FAM171B: variants seen among roughly 807,000 people sequenced by gnomAD.
FAM171B encodes the protein family with sequence similarity 171 member B.
A neutral mutation model predicts 75.6 loss-of-function variants in FAM171B; 19 were observed. That is an observed-to-expected ratio of 0.25 (90% confidence interval 0.18 to 0.37). The LOEUF (loss-of-function observed/expected upper bound fraction) is 0.37. Among genes scored for constraint, FAM171B ranks in the 10% least tolerant of loss-of-function variants. FAM171B has a pLI of 1.00. For missense variants in FAM171B, 848 were observed against 982.4 expected, an observed-to-expected ratio of 0.86 and a Z score of 1.83; for synonymous variants, 367 against 361.7, an observed-to-expected ratio of 1.01 and a Z score of -0.17.
chr2:186,739,538 A>G (rs146332368), intron 1 of FAM171B, among the ~76,000 whole-genome samples: 65 of 152,284 alleles, frequency 4.3e-4, no homozygotes, highest in African/African-American at 1.5e-3. Context: ...ACAAATATAA[A>G]CATTAGCCCA....
intron 1 of FAM171B, among the ~76,000 whole-genome samples, chr2:186,702,876 T>C (rs768645281): frequency 4.6e-5 from 7 of 152,130 alleles, no homozygotes; most frequent in Non-Finnish European, 7.4e-5. Flanking sequence ...ATTTCATTTA[T>C]ATGTGACATT....
chr2:186,716,385 C>G (rs1056267236), intron 1 of FAM171B, among the ~76,000 whole-genome samples: 2 of 152,102 alleles, frequency 1.3e-5, no homozygotes, highest in African/African-American at 2.4e-5. Flanking sequence ...CTTCCTTACC[C>G]AGAATTAATC....
chr2:186,731,971 G>A (rs1428747034), intron 1 of FAM171B, among the ~76,000 whole-genome samples: 2 of 152,118 alleles, frequency 1.3e-5, no homozygotes, highest in East Asian at 3.9e-4. Context: ...AACAAGCTCA[G>A]GGCTCCCGCT....
chr2:186,736,567 G>GTGTGTGGGA (rs55683607), intron 1 of FAM171B, among the ~76,000 whole-genome samples: 3,906 of 104,480 alleles, frequency 0.037, 83 homozygotes, highest in African/African-American at 0.075. Flanking sequence ...TGTGTGTGTG[G>GTGTGTGGGA]GAGAGAGAGA....
intron 1 of FAM171B, among the ~76,000 whole-genome samples, chr2:186,725,872 G>C (rs1450917411): frequency 6.6e-6 from 1 of 152,218 alleles, no homozygotes; most frequent in East Asian, 1.9e-4. Context: ...GATGACAAAT[G>C]CCTGTGGAGT....
At chr2:186,755,959 A>G (rs1429997075) in intron 6 of FAM171B, among the ~76,000 whole-genome samples, 3 of 152,244 alleles carry the variant, frequency 2.0e-5, no homozygotes, top group Non-Finnish European at 2.9e-5. Flanking sequence ...CTATATTTGC[A>G]ACTATAATGA....
intron 1 of FAM171B, among the ~76,000 whole-genome samples, chr2:186,702,591 T>C (rs1285710188): frequency 6.6e-6 from 1 of 152,210 alleles, no homozygotes; most frequent in Non-Finnish European, 1.5e-5. Flanking sequence ...TATTTTTACA[T>C]ACTTGTTAAT....
At chr2:186,748,184 A>G (rs1414522896) in intron 4 of FAM171B, among the ~76,000 whole-genome samples, 1 of 151,958 alleles carries the variant, frequency 6.6e-6, no homozygotes, top group Admixed American at 6.6e-5. Context: ...CAGCCTCCCA[A>G]GGTGCTGGGA....
intron 1 of FAM171B, among the ~76,000 whole-genome samples, chr2:186,702,903 A>G (rs1368649789): frequency 1.3e-5 from 2 of 152,204 alleles, no homozygotes; most frequent in Admixed American, 6.5e-5. Flanking sequence ...TCTATTTAAT[A>G]TGCTTTTTCT....
chr2:186,713,456 A>C (rs1689835786), intron 1 of FAM171B, among the ~76,000 whole-genome samples: 1 of 152,258 alleles, frequency 6.6e-6, no homozygotes, highest in African/African-American at 2.4e-5. Flanking sequence ...AATTCAACAG[A>C]TACTTATCAA....
intron 1 of FAM171B, among the ~76,000 whole-genome samples, chr2:186,713,410 A>G (rs1236784773): frequency 2.6e-5 from 4 of 152,252 alleles, no homozygotes; most frequent in African/African-American, 9.6e-5. Flanking sequence ...CTTTAGAGTT[A>G]TTGTAAGTAT....
chr2:186,706,626 G>C (rs998966112), intron 1 of FAM171B, among the ~76,000 whole-genome samples: 11 of 152,080 alleles, frequency 7.2e-5, no homozygotes, highest in Non-Finnish European at 1.3e-4. Flanking sequence ...AACAAGCTAG[G>C]GCATAGAAAT....
chr2:186,741,843 T>G (rs1027551719), intron 2 of FAM171B, among the ~76,000 whole-genome samples: 12 of 152,130 alleles, frequency 7.9e-5, no homozygotes, highest in African/African-American at 2.9e-4. Context: ...GTTAAAATAT[T>G]AAATACAGTG....
chr2:186,761,405 T>A, intron 7 of FAM171B, 74 bp from the exon 8 acceptor site: 1 of 1,492,890 alleles, frequency 6.7e-7, no homozygotes, highest in Non-Finnish European at 8.9e-7. Context: ...ATATGTAGAT[T>A]GGGAGTGATT....
At chr2:186,703,892 G>GA (rs1250686559) in intron 1 of FAM171B, among the ~76,000 whole-genome samples, 1 of 151,862 alleles carries the variant, frequency 6.6e-6, no homozygotes, top group Admixed American at 6.6e-5. Context: ...TGTGTAAGGG[G>GA]AAAAAATATC....
At chr2:186,706,876 T>C (rs899870589) in intron 1 of FAM171B, among the ~76,000 whole-genome samples, 1 of 152,060 alleles carries the variant, frequency 6.6e-6, no homozygotes, top group Admixed American at 6.6e-5. Flanking sequence ...AATTACATTA[T>C]ATTGAAAATT....
In FAM171B at chr2:186,761,524, A is replaced by G; in HGVS notation, c.1182A>G (p.Lys394=). The G allele has an allele frequency of 6.3e-7, 1 of 1,593,322 alleles. No individual in the cohort carries two copies. Among genetic ancestry groups the G allele is most frequent in the Non-Finnish European group, 8.5e-7 (1 of 1,174,294 alleles). Residue 394 remains lysine, a synonymous_variant, in exon 8 of 8, where the codon AAA becomes AAG. Transcript: ENST00000304698. ...TPQKRERNIT[K]LEVLKRDQTT... ...AGAAAAGAGAAAGAAATATCACTAA[A>G]CTTGAGGTCCTCAAGAGAGACCAGA...
At chr2:186,761,420 A>C in intron 7 of FAM171B, 59 bp from the exon 8 acceptor site, 1 of 1,513,612 alleles carries the variant, frequency 6.6e-7, no homozygotes, top group African/African-American at 1.4e-5. Flanking sequence ...GTGATTTTTA[A>C]TAAATGAACC....
intron 1 of FAM171B, among the ~76,000 whole-genome samples, chr2:186,736,567 GGAGA>G (rs35704183): frequency 4.2e-3 from 437 of 104,620 alleles, no homozygotes; most frequent in Non-Finnish European, 6.2e-3. Flanking sequence ...TGTGTGTGTG[GGAGA>G]GAGAGAGAGA....
Sources: gnomAD v4.1 joint callset for allele counts (sites outside exome capture counted in the v4.1 genomes callset) on GRCh38, gnomAD v4.1.1 for gene constraint, MANE v1.5 for transcripts, NCBI Gene and HGNC (gene_info 2026-07-23, HGNC 2026-07-21) for gene names.